The following PTPRR variants were observed in gnomAD, a reference collection of about 807,000 sequenced individuals.
PTPRR encodes the protein receptor-type tyrosine-protein phosphatase R.
In PTPRR, 38 loss-of-function variants were observed where a neutral mutation model predicts 77.2. That is an observed-to-expected ratio of 0.49 (90% confidence interval 0.38 to 0.65). The LOEUF (loss-of-function observed/expected upper bound fraction) is 0.65. Ranked by LOEUF, PTPRR falls within the 30% of genes least tolerant of loss-of-function variation. The probability of loss-of-function intolerance (pLI) is 0.00; values close to 1 mark genes in which losing one functional copy is unlikely to be tolerated. For synonymous variants in PTPRR, 299 were observed against 283.1 expected, an observed-to-expected ratio of 1.06 and a Z score of -0.57; for missense variants, 744 against 799.2, an observed-to-expected ratio of 0.93 and a Z score of 0.83.
At chr12:70,726,581 ATTTT>A (rs148966922) in intron 6 of PTPRR, among the ~76,000 whole-genome samples, 141 of 139,672 alleles carry the variant, frequency 1.0e-3, no homozygotes, top group Non-Finnish European at 1.1e-3. Flanking sequence ...TCTGCATTTA[ATTTT>A]TTTTTTTTTT....
In PTPRR at chr12:70,800,280, T is replaced by G. The variant is rs1389192468; in HGVS notation, c.358-35502A>C. Among the ~76,000 whole-genome samples, 69 of 151,876 alleles carry G rather than the reference T, an allele frequency of 4.5e-4. 1 individual carries two copies. The highest frequency in any genetic ancestry group is 6.8e-4 in the Non-Finnish European group (46 of 67,920). ...TACTGTTCTCTCTCTTTTTTTTTTT[T>G]TGTGCTGAGGTTATAGAGCTTGATG... On this transcript the variant is annotated intron_variant, in intron 2 of 13. Coordinates refer to ENST00000283228, the MANE Select transcript of PTPRR (RefSeq NM_002849.4).
At chr12:70,853,876 G>A (rs1456227500) in intron 2 of PTPRR, among the ~76,000 whole-genome samples, 3 of 152,302 alleles carry the variant, frequency 2.0e-5, no homozygotes, top group Admixed American at 6.5e-5. Context: ...GCCAAGTGGC[G>A]AGTTGTTTCT....
intron 6 of PTPRR, among the ~76,000 whole-genome samples, chr12:70,717,157 T>A (rs573834552): frequency 6.6e-6 from 1 of 152,340 alleles, no homozygotes; most frequent in Admixed American, 6.5e-5. Context: ...AGAGATCTTT[T>A]AATATAAAAA....
intron 2 of PTPRR, among the ~76,000 whole-genome samples, chr12:70,891,472 CAT>C (rs1234573681): frequency 6.6e-6 from 1 of 152,086 alleles, no homozygotes; most frequent in African/African-American, 2.4e-5. Context: ...ATCTGCTACT[CAT>C]GTAAATGCAG....
intron 2 of PTPRR, among the ~76,000 whole-genome samples, chr12:70,867,444 A>G (rs1892874335): frequency 6.6e-6 from 1 of 152,114 alleles, no homozygotes; most frequent in Admixed American, 6.6e-5. Context: ...CAATTGCTTC[A>G]AAGAGAATAA....
chr12:70,714,722 C>A (rs1888955656), intron 6 of PTPRR, among the ~76,000 whole-genome samples: 1 of 152,182 alleles, frequency 6.6e-6, no homozygotes, highest in Non-Finnish European at 1.5e-5. Flanking sequence ...CAGTGGCTCT[C>A]ACCTTTACTC....
At chr12:70,809,257 C>T (rs889882733) in intron 2 of PTPRR, among the ~76,000 whole-genome samples, 7 of 152,112 alleles carry the variant, frequency 4.6e-5, no homozygotes, top group African/African-American at 1.7e-4. Context: ...GCAGCTTTTG[C>T]AACCATGAGG....
At chr12:70,729,336 CTATCTATCTA>C (rs1457696738) in intron 6 of PTPRR, among the ~76,000 whole-genome samples, 2 of 12,928 alleles carry the variant, frequency 1.5e-4, no homozygotes, top group Non-Finnish European at 4.4e-4. Context: ...GTCTATCTAT[CTATCTATCTA>C]TCTATCTATC....
At chr12:70,917,823 A>C (rs565814302) in intron 1 of PTPRR, among the ~76,000 whole-genome samples, 1 of 152,180 alleles carries the variant, frequency 6.6e-6, no homozygotes, top group East Asian at 1.9e-4. Flanking sequence ...AAGAACACTT[A>C]CATCCCGTTA....
chr12:70,815,201 G>T (rs1891881961), intron 2 of PTPRR, among the ~76,000 whole-genome samples: 1 of 149,792 alleles, frequency 6.7e-6, no homozygotes, highest in South Asian at 2.1e-4. Context: ...AAAAAATGCA[G>T]GGGACAGGAT....
chr12:70,876,388 A>C (rs949754192), intron 2 of PTPRR, among the ~76,000 whole-genome samples: 1 of 152,208 alleles, frequency 6.6e-6, no homozygotes, highest in Non-Finnish European at 1.5e-5. Context: ...TGAACTCTGT[A>C]AATGAAATAG....
At chr12:70,786,623 C>T (rs1010587969) in intron 2 of PTPRR, among the ~76,000 whole-genome samples, 4 of 152,124 alleles carry the variant, frequency 2.6e-5, no homozygotes, top group African/African-American at 9.7e-5. Flanking sequence ...AGTCTGATCA[C>T]AAGAGTAGTT....
At chr12:70,685,473 CAAAAAAA>C (rs61205959) in intron 8 of PTPRR, among the ~76,000 whole-genome samples, 5 of 60,976 alleles carry the variant, frequency 8.2e-5, no homozygotes, top group South Asian at 9.3e-4. Context: ...GACTTCATCT[CAAAAAAA>C]AAAAAAAAAA....
At chr12:70,914,828 A>T (rs1198902519) in intron 1 of PTPRR, among the ~76,000 whole-genome samples, 1 of 151,630 alleles carries the variant, frequency 6.6e-6, no homozygotes, top group African/African-American at 2.4e-5. Context: ...GTCTCTAACA[A>T]CAACAACAGC....
chr12:70,799,610 C>T (rs563748570), intron 2 of PTPRR, among the ~76,000 whole-genome samples: 2 of 152,036 alleles, frequency 1.3e-5, no homozygotes, highest in South Asian at 2.1e-4. Flanking sequence ...TGTGTGTTTT[C>T]TTATGAAATT....
intron 6 of PTPRR, among the ~76,000 whole-genome samples, chr12:70,726,866 G>T (rs938671013): frequency 6.6e-6 from 1 of 152,084 alleles, no homozygotes; most frequent in African/African-American, 2.4e-5. Flanking sequence ...ACAGGCATGA[G>T]CCACCACGCC....
chr12:70,699,515 T>C (rs1248942753), intron 7 of PTPRR, among the ~76,000 whole-genome samples: 2 of 152,136 alleles, frequency 1.3e-5, no homozygotes, highest in Non-Finnish European at 2.9e-5. Context: ...GGCACAATCA[T>C]AGCTCACTGT....
intron 1 of PTPRR, 33 bp from the exon 2 acceptor site, chr12:70,893,010 A>T (rs1893366049): frequency 6.3e-7 from 1 of 1,599,486 alleles, no homozygotes; most frequent in African/African-American, 1.3e-5. Context: ...ACAATATCAA[A>T]GACCCTATTC....
At chr12:70,877,859 G>C (rs1213156727) in intron 2 of PTPRR, among the ~76,000 whole-genome samples, 4 of 152,044 alleles carry the variant, frequency 2.6e-5, no homozygotes, top group Admixed American at 6.5e-5. Context: ...ATACTACAAG[G>C]CTACAGTAAC....
Sources: gnomAD v4.1 joint callset for allele counts (sites outside exome capture counted in the v4.1 genomes callset) on GRCh38, gnomAD v4.1.1 for gene constraint, MANE v1.5 for transcripts, NCBI Gene and HGNC (gene_info 2026-07-23, HGNC 2026-07-21) for gene names.